OXR1: variants seen among roughly 807,000 people sequenced by gnomAD.
OXR1 encodes the protein oxidation resistance protein 1.
Under a neutral mutation model 104.6 loss-of-function variants are expected in OXR1, and 41 were observed. The observed-to-expected ratio is 0.39, with a 90% CI of 0.31 to 0.51. The LOEUF (loss-of-function observed/expected upper bound fraction) is 0.51. OXR1 is among the 20% of genes least tolerant of loss of function. The probability of loss-of-function intolerance (pLI) is 0.77; values close to 1 mark genes in which losing one functional copy is unlikely to be tolerated. For synonymous variants in OXR1, 348 were observed against 348.4 expected (o/e 1.00, Z 0.01); for missense variants, 955 against 1,031.9 (o/e 0.93, Z 1.02).
chr8:106,634,134 C>T (rs999476375), intron 3 of OXR1, among the ~76,000 whole-genome samples: 3 of 152,078 alleles, frequency 2.0e-5, no homozygotes, highest in South Asian at 2.1e-4. Flanking sequence ...TACTTGAATG[C>T]GTTAACATAA....
chr8:106,402,146 C>G lies in OXR1; in HGVS notation c.23+42510C>G, dbSNP rs180817709. 4.6e-5 allele frequency among the ~76,000 whole-genome samples: 7 copies of G among 152,252 alleles called. No individual in the cohort carries two copies. The East Asian group carries it at 5.8e-4, about 13-fold the overall frequency. Reference sequence around the variant, plus strand: ...ACAACAGCTGCAATTGGAGTAGGCACGTAGTTTAGCTTAAGATAATCCACT... The same window carrying G: ...ACAACAGCTGCAATTGGAGTAGGCAGGTAGTTTAGCTTAAGATAATCCACT... On this transcript the variant is annotated intron_variant, in intron 2 of 16. Coordinates refer to ENST00000517566, the MANE Select transcript of OXR1 (RefSeq NM_001198533.2).
Position 106,658,113 on chromosome 8 carries a change from C to A in OXR1, c.221-21097C>A, listed in dbSNP as rs1408062581. The A allele has an allele frequency of 3.9e-5, 49 of 1,247,412 alleles. No individual in the cohort carries two copies. The East Asian group carries it at 1.5e-3, about 39-fold the overall frequency. The allele number at this position is 1,247,412 out of a possible 1,614,324, so 77.3% of individuals were successfully genotyped here. A position where few individuals can be genotyped will look rare whatever the true frequency, so the allele number is the denominator to read the frequency against. On this transcript the variant is annotated intron_variant, in intron 3 of 16. Transcript: ENST00000517566. Reference sequence around the variant, plus strand: ...GCGCTTCGAAGATTACCTGAGGGAGCCAGCCCAGGGGGACCTCGGGTGCGG... The same window carrying A: ...GCGCTTCGAAGATTACCTGAGGGAGACAGCCCAGGGGGACCTCGGGTGCGG...
At chr8:106,416,997 A>T (rs1455834475) in intron 2 of OXR1, among the ~76,000 whole-genome samples, 1 of 152,154 alleles carries the variant, frequency 6.6e-6, no homozygotes, top group Non-Finnish European at 1.5e-5. Context: ...CGTGACAAAG[A>T]AACAAGGTTG....
chr8:106,547,628 G>A (rs951342541), intron 3 of OXR1, among the ~76,000 whole-genome samples: 14 of 151,696 alleles, frequency 9.2e-5, no homozygotes, highest in African/African-American at 3.4e-4. Context: ...AAACAGCTGG[G>A]ATAACAGGTG....
intron 2 of OXR1, among the ~76,000 whole-genome samples, chr8:106,501,576 A>G (rs1811811970): frequency 1.3e-5 from 2 of 152,360 alleles, no homozygotes; most frequent in South Asian, 4.1e-4. Flanking sequence ...GTGGTATCCA[A>G]AAGAGGAAAA....
chr8:106,712,558 G>A (rs766434998), intron 10 of OXR1, among the ~76,000 whole-genome samples: 5 of 152,020 alleles, frequency 3.3e-5, no homozygotes, highest in Non-Finnish European at 5.9e-5. Flanking sequence ...GGAGATACGC[G>A]AATTGATTCC....
chr8:106,578,382 T>G (rs1274620765), intron 3 of OXR1, among the ~76,000 whole-genome samples: 1 of 152,228 alleles, frequency 6.6e-6, no homozygotes, highest in African/African-American at 2.4e-5. Context: ...TAGAGTTTTT[T>G]AAAGCAGATA....
At chr8:106,700,395 T>C (rs1367360800) in intron 7 of OXR1, among the ~76,000 whole-genome samples, 1 of 152,202 alleles carries the variant, frequency 6.6e-6, no homozygotes, top group Non-Finnish European at 1.5e-5. Flanking sequence ...AAACTCTTGA[T>C]TTATGGAGAA....
chr8:106,396,805 T>C (rs1337368428), intron 2 of OXR1, among the ~76,000 whole-genome samples: 1 of 152,108 alleles, frequency 6.6e-6, no homozygotes, highest in Non-Finnish European at 1.5e-5. Flanking sequence ...ACCATGGTTA[T>C]GTAAAGTGTT....
chr8:106,484,792 A>C (rs754037590), intron 2 of OXR1, among the ~76,000 whole-genome samples: 12 of 152,040 alleles, frequency 7.9e-5, no homozygotes, highest in African/African-American at 2.2e-4. Flanking sequence ...AAAACAAAAA[A>C]AAACTAAACA....
chr8:106,535,996 G>A (rs916959013), intron 3 of OXR1, among the ~76,000 whole-genome samples: 2 of 152,062 alleles, frequency 1.3e-5, no homozygotes, highest in Non-Finnish European at 1.5e-5. Flanking sequence ...CGAGGTGGGC[G>A]GATCACGAGG....
At chr8:106,655,036 G>A (rs992299612) in intron 3 of OXR1, among the ~76,000 whole-genome samples, 2 of 152,124 alleles carry the variant, frequency 1.3e-5, no homozygotes, top group African/African-American at 4.8e-5. Flanking sequence ...AACATTAAGT[G>A]AAAGAAGCCA....
At chr8:106,651,068 G>A (rs1438633396) in intron 3 of OXR1, among the ~76,000 whole-genome samples, 1 of 152,192 alleles carries the variant, frequency 6.6e-6, no homozygotes, top group Non-Finnish European at 1.5e-5. Context: ...GTCAAAAGGA[G>A]TGTGCTTTAA....
In OXR1 at chr8:106,739,075, T is replaced by TACACACACACACACACAC. The variant is rs71307086; in HGVS notation, c.2038-355_2038-338dup. Among the ~76,000 whole-genome samples the TACACACACACACACACAC allele has an allele frequency of 9.5e-3, 1,339 of 141,602 alleles. 22 individuals carry two copies. The highest frequency in any genetic ancestry group is 0.017 in the East Asian group (78 of 4,630). The allele number at this position is 141,602 out of a possible 152,430, so 92.9% of individuals were successfully genotyped here. A position where few individuals can be genotyped will look rare whatever the true frequency, so the allele number is the denominator to read the frequency against. ...TGAAAGAATTCTATTTTAAATAGCA[T>TACACACACACACACACAC]ACACACACACACACACACACACACA... On this transcript the variant is annotated intron_variant, in intron 12 of 16. Coordinates refer to ENST00000517566, the MANE Select transcript of OXR1 (RefSeq NM_001198533.2).
chr8:106,725,971 C>G, intron 11 of OXR1: 1 of 347,230 alleles, frequency 2.9e-6, no homozygotes, highest in Non-Finnish European at 5.1e-6. Context: ...TGAGCCCTTT[C>G]TTTGCACATT....
intron 3 of OXR1, chr8:106,605,263 A>T (rs915801609): frequency 6.6e-6 from 1 of 152,138 alleles, no homozygotes; most frequent in African/African-American, 2.4e-5. Flanking sequence ...ACATTATCCA[A>T]ATCAAAACTC....
At chr8:106,745,897 G>A in intron 16 of OXR1, 35 bp downstream of exon 16, 1 of 1,160,676 alleles carries the variant, frequency 8.6e-7, no homozygotes, top group Non-Finnish European at 1.3e-6. Flanking sequence ...TGAGATTTTT[G>A]AAGAACTTTA....
chr8:106,351,879 C>T (rs915113240), intron 1 of OXR1, among the ~76,000 whole-genome samples: 3 of 152,130 alleles, frequency 2.0e-5, no homozygotes, highest in African/African-American at 7.2e-5. Flanking sequence ...ATTACTACAT[C>T]TAATATTCCT....
rs1833815221 is a variant in OXR1 at position 106,730,793 on chromosome 8, T to G, written c.1957-6727T>G. On this transcript the variant is annotated intron_variant, in intron 11 of 16. Transcript: ENST00000517566. ...GGGTGTGTTTGCTAGGCCAGTGTGGTGACTCACGCCTGTAATATCAACACT... is the reference window on the plus strand; with the variant it reads ...GGGTGTGTTTGCTAGGCCAGTGTGGGGACTCACGCCTGTAATATCAACACT... Among the ~76,000 whole-genome samples, 6 of 151,798 alleles carry G rather than the reference T, an allele frequency of 4.0e-5. No homozygotes were observed. The South Asian group carries it at 1.2e-3, about 32-fold the overall frequency.
Sources: allele counts gnomAD v4.1 joint callset (sites outside exome capture counted in the v4.1 genomes callset), GRCh38; gene constraint gnomAD v4.1.1; transcripts MANE v1.5; gene names NCBI Gene and HGNC (gene_info 2026-07-23, HGNC 2026-07-21).